Variants in BAZ2B observed in about 807,000 individuals in gnomAD.
BAZ2B encodes the protein bromodomain adjacent to zinc finger domain protein 2B.
Under a neutral mutation model 246.0 loss-of-function variants are expected in BAZ2B, and 91 were observed. The ratio of observed to expected loss-of-function variants is 0.37; its 90% confidence interval spans 0.31 to 0.44. The LOEUF (loss-of-function observed/expected upper bound fraction) is 0.44. BAZ2B is among the 20% of genes least tolerant of loss of function. The pLI is 1.00. For synonymous variants in BAZ2B, 855 were observed against 860.0 expected (o/e 0.99, Z 0.10); for missense variants, 2,332 against 2,533.7 (o/e 0.92, Z 1.71).
intron 9 of BAZ2B, among the ~76,000 whole-genome samples, chr2:159,431,517 GTACAGTAAGTC>G (rs1172052439): frequency 1.3e-5 from 2 of 152,138 alleles, no homozygotes; most frequent in Admixed American, 6.5e-5. Flanking sequence ...GGCTTATGAA[GTACAGTAAGTC>G]AAATATGAGA....
intron 2 of BAZ2B, among the ~76,000 whole-genome samples, chr2:159,484,192 G>A (rs994367502): frequency 1.3e-5 from 2 of 152,220 alleles, no homozygotes; most frequent in Non-Finnish European, 2.9e-5. Context: ...GTGTTGCTAT[G>A]GATGAAAAAC....
At chr2:159,347,355 G>T in intron 31 of BAZ2B, 131 bp downstream of exon 31, 2 of 1,097,840 alleles carry the variant, frequency 1.8e-6, no homozygotes, top group Non-Finnish European at 2.6e-6. Flanking sequence ...AATTAATCCA[G>T]GATTGTTTTC....
chr2:159,668,515 T>C, the BAZ2B span, among the ~76,000 whole-genome samples: 69,450 of 152,044 alleles, frequency 0.46, 16,711 homozygotes, highest in Middle Eastern at 0.64. Context: ...GAGTTTATAT[T>C]GTGAATGCAT....
At chr2:159,699,562 G>T in the BAZ2B span, among the ~76,000 whole-genome samples, 2 of 151,980 alleles carry the variant, frequency 1.3e-5, no homozygotes, top group Admixed American at 1.3e-4. Flanking sequence ...AAAGAGCTGG[G>T]GTTAGAAACA....
Position 159,477,223 on chromosome 2 carries a change from T to C in BAZ2B, c.145+1352A>G, listed in dbSNP as rs199713474. Among the ~76,000 whole-genome samples the C allele has an allele frequency of 2.0e-5, 3 of 152,228 alleles. No homozygotes were observed. The East Asian group carries it at 5.8e-4, about 29-fold the overall frequency. On this transcript the variant is annotated intron_variant, in intron 3 of 36. Transcript: ENST00000392783. ...GGGAGGCTGAGGCACAAGAATGGCG[T>C]GAACCCAGGTGGTGGAGCTTGCAGT...
chr2:159,490,698 T>A (rs1003362378), intron 2 of BAZ2B, among the ~76,000 whole-genome samples: 24 of 152,094 alleles, frequency 1.6e-4, no homozygotes, highest in South Asian at 6.2e-4. Context: ...ATTTTTTTTT[T>A]ATTTTTATTT....
chr2:159,693,293 C>T, the BAZ2B span: 1 of 152,050 alleles, frequency 6.6e-6, no homozygotes, highest in East Asian at 1.9e-4. Context: ...CAGATTATCT[C>T]TATAAAACCA....
intron 2 of BAZ2B, among the ~76,000 whole-genome samples, chr2:159,501,126 A>ATTT (rs1418141933): frequency 7.5e-5 from 2 of 26,614 alleles, no homozygotes; most frequent in African/African-American, 2.5e-4. Flanking sequence ...TATATATAAT[A>ATTT]TATATATATA....
intron 13 of BAZ2B, among the ~76,000 whole-genome samples, chr2:159,427,080 G>A (rs1259000766): frequency 1.3e-5 from 2 of 151,916 alleles, no homozygotes; most frequent in Admixed American, 6.6e-5. Flanking sequence ...AATTATAATC[G>A]TTTCTATTTG....
chr2:159,691,440 T>C, the BAZ2B span, among the ~76,000 whole-genome samples: 4 of 150,164 alleles, frequency 2.7e-5, no homozygotes, highest in Non-Finnish European at 5.9e-5. Flanking sequence ...TACAATAAAG[T>C]AGGCTAGAGA....
At chr2:159,647,179 G>C in the BAZ2B span, among the ~76,000 whole-genome samples, 4 of 152,156 alleles carry the variant, frequency 2.6e-5, 1 homozygote, top group Admixed American at 1.3e-4. Flanking sequence ...AAGGATGTAT[G>C]TATAAAGATA....
chr2:159,346,305 A>C (rs1330376579), intron 31 of BAZ2B, among the ~76,000 whole-genome samples: 2 of 152,246 alleles, frequency 1.3e-5, no homozygotes, highest in East Asian at 1.9e-4. Flanking sequence ...GCAAAATCTC[A>C]ATTATTAAAT....
the BAZ2B span, among the ~76,000 whole-genome samples, chr2:159,705,394 C>A: frequency 2.0e-5 from 3 of 152,102 alleles, no homozygotes; most frequent in Non-Finnish European, 4.4e-5. Context: ...GAGAAAGATT[C>A]AAAAGATAGG....
intron 2 of BAZ2B, among the ~76,000 whole-genome samples, chr2:159,521,064 T>C (rs1005018862): frequency 1.3e-5 from 2 of 152,106 alleles, no homozygotes; most frequent in African/African-American, 4.8e-5. Flanking sequence ...AGATTTGGCA[T>C]AATATATACA....
chr2:159,496,157 C>T (rs1201935973), intron 2 of BAZ2B, among the ~76,000 whole-genome samples: 8 of 149,122 alleles, frequency 5.4e-5, no homozygotes, highest in African/African-American at 9.8e-5. Flanking sequence ...GGGCAGATCA[C>T]GAGGTCAGAA....
At chr2:159,370,516 G>A (rs6719799) in intron 27 of BAZ2B, among the ~76,000 whole-genome samples, 99,560 of 150,392 alleles carry the variant, frequency 0.66, 35,065 homozygotes, top group Non-Finnish European at 0.81. Context: ...GACTACAGGC[G>A]CCCGCCACCA....
At chr2:159,704,498 T>TTTTG in the BAZ2B span, among the ~76,000 whole-genome samples, 1 of 150,082 alleles carries the variant, frequency 6.7e-6, no homozygotes, top group African/African-American at 2.5e-5. Context: ...TTTTTTTTTT[T>TTTTG]TGAGACGGAG....
At chr2:159,412,152 A>C (rs1003981669) in intron 14 of BAZ2B, among the ~76,000 whole-genome samples, 183 bp downstream of exon 14, 3 of 152,250 alleles carry the variant, frequency 2.0e-5, no homozygotes, top group Admixed American at 6.5e-5. Flanking sequence ...TGGTTCTTGA[A>C]AGATTACCTA....
chr2:159,471,305 T>TA (rs2077757828), intron 3 of BAZ2B, among the ~76,000 whole-genome samples: 1 of 152,066 alleles, frequency 6.6e-6, no homozygotes, highest in Non-Finnish European at 1.5e-5. Context: ...TATTGGGATA[T>TA]AAAAATGGTT....
Sources: gnomAD v4.1 joint callset for allele counts (sites outside exome capture counted in the v4.1 genomes callset) on GRCh38, gnomAD v4.1.1 for gene constraint, MANE v1.5 for transcripts, NCBI Gene and HGNC (gene_info 2026-07-23, HGNC 2026-07-21) for gene names.